RYR3: variants seen among roughly 807,000 people sequenced by gnomAD.
RYR3 encodes the protein ryanodine receptor 3.
A neutral mutation model predicts 584.3 loss-of-function variants in RYR3; 207 were observed. The ratio of observed to expected loss-of-function variants is 0.35; its 90% confidence interval spans 0.32 to 0.40. The LOEUF (loss-of-function observed/expected upper bound fraction) is 0.40, where lower values mean the gene tolerates loss of function less well. Among genes scored for constraint, RYR3 ranks in the 10% least tolerant of loss-of-function variants. The pLI is 1.00. For missense variants in RYR3, 5,616 were observed against 6,089.2 expected (o/e 0.92, Z 2.59); for synonymous variants, 2,416 against 2,248.5 (o/e 1.07, Z -2.11).
chr15:33,709,265 G>A (rs1171213309), intron 43 of RYR3, among the ~76,000 whole-genome samples: 1 of 152,160 alleles, frequency 6.6e-6, no homozygotes, highest in Non-Finnish European at 1.5e-5. Flanking sequence ...CAGGGAGAGA[G>A]CACTGAAGGG....
intron 44 of RYR3, 89 bp downstream of exon 44, chr15:33,722,984 G>A (rs1274290947): frequency 8.5e-7 from 1 of 1,170,268 alleles, no homozygotes; most frequent in African/African-American, 1.5e-5. Context: ...AGGTAATAGA[G>A]AAAGCACATG....
At chr15:33,551,446 A>G (rs531855195) in intron 10 of RYR3, among the ~76,000 whole-genome samples, 95 of 152,318 alleles carry the variant, frequency 6.2e-4, no homozygotes, top group African/African-American at 2.2e-3. Context: ...CCTGAAGAAG[A>G]TAGTCAGCAC....
At chr15:33,560,450 T>TG (rs2057339109) in intron 10 of RYR3, among the ~76,000 whole-genome samples, 1 of 36,622 alleles carries the variant, frequency 2.7e-5, no homozygotes, top group Non-Finnish European at 5.3e-5. Flanking sequence ...CAGATCTTTG[T>TG]ATTTTTTTTT....
chr15:33,586,257 C>A (rs1210227504), intron 16 of RYR3, 141 bp downstream of exon 16: 5 of 645,896 alleles, frequency 7.7e-6, no homozygotes, highest in Non-Finnish European at 1.4e-5. Context: ...AAAAGACTTT[C>A]CCCGCATACA....
intron 1 of RYR3, among the ~76,000 whole-genome samples, chr15:33,421,024 C>T (rs1567202919): frequency 1.3e-5 from 2 of 151,976 alleles, no homozygotes; most frequent in Admixed American, 6.6e-5. Flanking sequence ...ATGACTGAGT[C>T]CTGAATGGGT....
intron 1 of RYR3, among the ~76,000 whole-genome samples, chr15:33,411,008 C>T (rs2141482436): frequency 6.6e-6 from 1 of 152,240 alleles, no homozygotes; most frequent in East Asian, 1.9e-4. Flanking sequence ...GGGGAAACTG[C>T]CCCATGATTC....
intron 68 of RYR3, 72 bp downstream of exon 68, chr15:33,800,929 A>G (rs1385000789): frequency 4.5e-6 from 5 of 1,107,644 alleles, no homozygotes; most frequent in African/African-American, 3.1e-5. Context: ...TGTTGATGAA[A>G]AAAAGCCAAC....
chr15:33,539,680 T>A (rs527686467), intron 6 of RYR3, among the ~76,000 whole-genome samples: 1 of 152,304 alleles, frequency 6.6e-6, no homozygotes, highest in East Asian at 1.9e-4. Flanking sequence ...TAACTTTTGA[T>A]AAGAAGTAGC....
chr15:33,835,204 T>A, intron 87 of RYR3, 132 bp downstream of exon 87: 1 of 678,436 alleles, frequency 1.5e-6, no homozygotes, highest in Non-Finnish European at 2.4e-6. Context: ...GTCTCAGTTT[T>A]TTAAACTGAA....
chr15:33,710,275 G>GGCAT (rs948271459), intron 43 of RYR3, among the ~76,000 whole-genome samples: 9 of 151,976 alleles, frequency 5.9e-5, no homozygotes, highest in African/African-American at 1.9e-4. Flanking sequence ...AAATGGACTA[G>GGCAT]GCATGTCACA....
chr15:33,396,559 A>G (rs2042310368), intron 1 of RYR3, among the ~76,000 whole-genome samples: 1 of 152,198 alleles, frequency 6.6e-6, no homozygotes, highest in Non-Finnish European at 1.5e-5. Context: ...TCAGACAGAT[A>G]CTAGGTTGGT....
chr15:33,342,582 C>A (rs949908214), intron 1 of RYR3, among the ~76,000 whole-genome samples: 1 of 150,710 alleles, frequency 6.6e-6, no homozygotes, highest in Non-Finnish European at 1.5e-5. Flanking sequence ...TCTAGTTTCA[C>A]GTATATAATA....
At chr15:33,682,324 C>G (rs1188095101) in intron 38 of RYR3, among the ~76,000 whole-genome samples, 2 of 151,924 alleles carry the variant, frequency 1.3e-5, no homozygotes, top group East Asian at 3.9e-4. Context: ...TGTAAAAGGT[C>G]TGACTAGTCC....
chr15:33,686,700 C>T (rs1455105619), intron 38 of RYR3, among the ~76,000 whole-genome samples: 2 of 152,164 alleles, frequency 1.3e-5, no homozygotes, highest in African/African-American at 4.8e-5. Context: ...AAACTGAATC[C>T]AGTAACACAT....
chr15:33,734,726 G>A (rs1178347022), intron 48 of RYR3, among the ~76,000 whole-genome samples: 3 of 120,784 alleles, frequency 2.5e-5, no homozygotes, highest in Admixed American at 1.1e-4. Flanking sequence ...GTCTCGCTCT[G>A]TCGCCCAGGT....
chr15:33,389,679 A>G (rs2041866298), intron 1 of RYR3, among the ~76,000 whole-genome samples: 1 of 152,246 alleles, frequency 6.6e-6, no homozygotes, highest in Non-Finnish European at 1.5e-5. Flanking sequence ...CTTGATGTAC[A>G]ATGTGATCAT....
chr15:33,642,678 T>G (rs2061896569), intron 27 of RYR3, among the ~76,000 whole-genome samples: 1 of 152,182 alleles, frequency 6.6e-6, no homozygotes, highest in Non-Finnish European at 1.5e-5. Context: ...TATAAACATC[T>G]CTGTCTATAG....
At chr15:33,668,985 A>G (rs2063655480) in intron 36 of RYR3, among the ~76,000 whole-genome samples, 1 of 152,198 alleles carries the variant, frequency 6.6e-6, no homozygotes, top group South Asian at 2.1e-4. Flanking sequence ...GAAAATGTTC[A>G]AGTAACATTA....
chr15:33,853,736 G>A, intron 96 of RYR3, 54 bp downstream of exon 96: 1 of 1,571,476 alleles, frequency 6.4e-7, no homozygotes, highest in Non-Finnish European at 8.6e-7. Context: ...ATAGATCTTT[G>A]CTTTTCCATA....
Sources: allele counts gnomAD v4.1 joint callset (sites outside exome capture counted in the v4.1 genomes callset), GRCh38; gene constraint gnomAD v4.1.1; transcripts MANE v1.5; gene names NCBI Gene and HGNC (gene_info 2026-07-23, HGNC 2026-07-21).